Variants in DCDC1 observed in about 807,000 individuals in gnomAD.
DCDC1 encodes doublecortin domain containing 1.
In DCDC1, 200 loss-of-function variants were observed where a neutral mutation model predicts 178.3. The observed-to-expected ratio is 1.12, with a 90% CI of 1.00 to 1.26. The LOEUF (loss-of-function observed/expected upper bound fraction) is 1.26. DCDC1 is among the 50% of genes most tolerant of loss of function. DCDC1 has a pLI of 0.00. For missense variants in DCDC1, 1,983 were observed against 1,749.2 expected (o/e 1.13, Z -2.38); for synonymous variants, 690 against 604.8 (o/e 1.14, Z -2.07).
At chr11:30,937,627 A>C (rs556738306) in intron 21 of DCDC1, among the ~76,000 whole-genome samples, 1 of 152,028 alleles carries the variant, frequency 6.6e-6, no homozygotes, top group African/African-American at 2.4e-5. Context: ...GGAAACCATG[A>C]TTTTCACTTT....
chr11:31,210,560 A>G (rs1972385938), intron 9 of DCDC1, among the ~76,000 whole-genome samples: 1 of 151,820 alleles, frequency 6.6e-6, no homozygotes, highest in African/African-American at 2.4e-5. Context: ...AAAATTCAAA[A>G]ATTAGCTGGG....
chr11:30,980,059 G>T (rs139252237), intron 20 of DCDC1, among the ~76,000 whole-genome samples: 1 of 152,132 alleles, frequency 6.6e-6, no homozygotes, highest in Non-Finnish European at 1.5e-5. Flanking sequence ...TGATATTGTG[G>T]ACATCATAAA....
chr11:30,910,890 C>T (rs561265152), intron 28 of DCDC1, among the ~76,000 whole-genome samples: 21 of 152,250 alleles, frequency 1.4e-4, no homozygotes, highest in Admixed American at 1.2e-3. Flanking sequence ...TTGCATCCTT[C>T]GGGAAGACCT....
chr11:30,925,851 TG>T (rs1946558323), intron 22 of DCDC1, among the ~76,000 whole-genome samples: 1 of 152,192 alleles, frequency 6.6e-6, no homozygotes, highest in Admixed American at 6.5e-5. Context: ...TCTCCAAGGT[TG>T]TCAAAGTCTA....
intron 8 of DCDC1, among the ~76,000 whole-genome samples, chr11:31,255,182 G>A (rs1039567170): frequency 2.0e-4 from 31 of 152,224 alleles, no homozygotes; most frequent in African/African-American, 7.2e-4. Flanking sequence ...TGTTCCTACA[G>A]TTGCAGGACA....
rs756842589 is a variant in DCDC1 at position 31,290,683 on chromosome 11, C to T, written c.924G>A (p.Gly308=). 9 of 1,612,916 alleles carry T rather than the reference C, an allele frequency of 5.6e-6. No homozygotes were observed. In the African/African-American group the frequency reaches 1.1e-4, roughly 19 times the overall value. ...TTTCTTTTCCCACTGTAATCTCATG[C>T]CCATCCTGCCCCATGCCATTCTTAA... ...LFFKNGMGQD[G]HEITVGKETM... The change falls in exon 7 of 39, where the codon GGG becomes GGA. Residue 308 remains glycine, a synonymous_variant. Coordinates refer to ENST00000684477, the MANE Select transcript of DCDC1 (RefSeq NM_001387274.1).
chr11:31,181,244 C>T (rs1430929133), intron 9 of DCDC1, among the ~76,000 whole-genome samples: 2 of 152,200 alleles, frequency 1.3e-5, no homozygotes, highest in East Asian at 3.9e-4. Flanking sequence ...ACTCCCATTT[C>T]CATGGGACAG....
At chr11:31,354,667 A>G (rs562095467) in intron 1 of DCDC1, among the ~76,000 whole-genome samples, 2 of 152,198 alleles carry the variant, frequency 1.3e-5, no homozygotes, top group Non-Finnish European at 2.9e-5. Context: ...TCAATGTCGT[A>G]AGCCTTTTTA....
rs1438894149 is a variant in DCDC1 at position 31,135,008 on chromosome 11, A to T, written c.1314+2684T>A. ...GAGAGCCTATCTCTAAAATAAAAAA[A>T]TTTTTAAAAAAATTTTAAAAAAGCT... On this transcript the variant is annotated intron_variant, in intron 10 of 38. Transcript: ENST00000684477. Among the ~76,000 whole-genome samples the T allele has an allele frequency of 2.0e-5, 3 of 152,140 alleles. No homozygotes were observed. In the East Asian group the frequency reaches 5.8e-4, roughly 29 times the overall value.
At chr11:31,137,816 G>C in intron 9 of DCDC1, 32 bp from the exon 10 acceptor site, 1 of 697,006 alleles carries the variant, frequency 1.4e-6, no homozygotes, top group East Asian at 2.7e-5. Context: ...CATGAAAGCA[G>C]GTATCTATTG....
At chr11:30,915,966 G>A (rs145942770) in intron 26 of DCDC1, among the ~76,000 whole-genome samples, 1,616 of 152,160 alleles carry the variant, frequency 0.011, 80 homozygotes, top group Admixed American at 0.085. Flanking sequence ...TGAAAAATTC[G>A]TTAGCAAAGA....
Position 31,064,557 on chromosome 11 carries a change from G to T in DCDC1, c.2503C>A (p.Pro835Thr). The T allele has an allele frequency of 1.3e-6, 1 of 766,008 alleles. No homozygotes were observed. The highest frequency in any genetic ancestry group is 1.3e-5 in the South Asian group (1 of 74,614). 47.5% of individuals were successfully genotyped at this position (766,008 alleles called of 1,614,324 possible). The change falls in exon 20 of 39, where the codon CCA becomes ACA. Residue 835 changes from proline (P) to threonine (T), a missense_variant. Transcript: ENST00000684477. Reference sequence around the variant, plus strand: ...CCCGTCTCCTCAAGAGAACCTTCTGGCATTAAATGGGTGTCTGAGGGTTCT... The same window carrying T: ...CCCGTCTCCTCAAGAGAACCTTCTGTCATTAAATGGGTGTCTGAGGGTTCT... ...LPEPSDTHLM[P>T]EGSLEETGEL...
At position 31,065,028 on chromosome 11, in the gene DCDC1, TAAGTTTCTGCC is replaced by T. The variant is rs2065593004; in HGVS notation, c.2413_2423del (p.Gly805SerfsTer32). 1.3e-6 allele frequency: 1 copy of T among 761,064 alleles called. No individual in the cohort carries two copies. Among genetic ancestry groups the T allele is most frequent in the Admixed American group, 1.7e-5 (1 of 57,458 alleles). The allele number at this position is 761,064 out of a possible 1,614,324, so 47.1% of individuals were successfully genotyped here. A position where few individuals can be genotyped will look rare whatever the true frequency, so the allele number is the denominator to read the frequency against. Reference sequence around the variant, plus strand: ...GGCTCCCTACACTGACCTCTTCTGCTAAGTTTCTGCCATGTTCCTGATGAGCTGTGGTCCAG... The same window carrying T: ...GGCTCCCTACACTGACCTCTTCTGCTATGTTCCTGATGAGCTGTGGTCCAG... On this transcript the variant is annotated frameshift_variant, in exon 19 of 39. Transcript: ENST00000684477. LOFTEE classifies it high-confidence loss of function.
At chr11:31,012,643 G>C (rs1446363666) in intron 20 of DCDC1, among the ~76,000 whole-genome samples, 2 of 149,852 alleles carry the variant, frequency 1.3e-5, no homozygotes, top group Non-Finnish European at 3.0e-5. Context: ...AAAGAAAATA[G>C]AAAATCTCCA....
At chr11:31,128,860 A>T (rs1962021243) in intron 10 of DCDC1, among the ~76,000 whole-genome samples, 1 of 152,178 alleles carries the variant, frequency 6.6e-6, no homozygotes, top group African/African-American at 2.4e-5. Flanking sequence ...TTTCTGCATA[A>T]CAAGTTTTAA....
chr11:31,181,521 C>G (rs567891517), intron 9 of DCDC1, among the ~76,000 whole-genome samples: 1 of 152,336 alleles, frequency 6.6e-6, no homozygotes, highest in South Asian at 2.1e-4. Flanking sequence ...GAAGAAGGAA[C>G]AGGCCACAGT....
At chr11:31,207,974 T>C (rs1386285992) in intron 9 of DCDC1, among the ~76,000 whole-genome samples, 1 of 152,152 alleles carries the variant, frequency 6.6e-6, no homozygotes, top group Non-Finnish European at 1.5e-5. Context: ...GAGTTTTGTG[T>C]CTTAACAACC....
chr11:31,069,159 T>C (rs541134397), intron 18 of DCDC1, among the ~76,000 whole-genome samples: 9 of 152,154 alleles, frequency 5.9e-5, no homozygotes, highest in Non-Finnish European at 1.0e-4. Context: ...CCCATTAATG[T>C]ATTTTTTCTA....
chr11:30,978,122 G>A (rs1233495286), intron 20 of DCDC1, among the ~76,000 whole-genome samples: 1 of 152,132 alleles, frequency 6.6e-6, no homozygotes, highest in African/African-American at 2.4e-5. Context: ...CTCTGACTCG[G>A]GAAGTGATAA....
Sources: allele counts gnomAD v4.1 joint callset (sites outside exome capture counted in the v4.1 genomes callset), GRCh38; gene constraint gnomAD v4.1.1; transcripts MANE v1.5; gene names NCBI Gene and HGNC (gene_info 2026-07-23, HGNC 2026-07-21).